The following CACNA1C variants were observed in gnomAD, a reference collection of about 807,000 sequenced individuals.
CACNA1C encodes calcium voltage-gated channel subunit alpha1 C, also known as voltage-dependent L-type calcium channel subunit alpha-1C.
Under a neutral mutation model 229.0 loss-of-function variants are expected in CACNA1C, and 30 were observed. The observed-to-expected ratio is 0.13, with a 90% CI of 0.10 to 0.18. The LOEUF is 0.18. CACNA1C is among the 10% of genes least tolerant of loss of function. The pLI, the probability that CACNA1C is intolerant of heterozygous loss-of-function variation, is 1.00. For missense variants in CACNA1C, 1,658 were observed against 2,845.0 expected (o/e 0.58, Z 9.49); for synonymous variants, 1,114 against 1,132.5 (o/e 0.98, Z 0.33).
chr12:2,484,672 C>A (rs1814457654), intron 5 of CACNA1C, among the ~76,000 whole-genome samples: 1 of 152,094 alleles, frequency 6.6e-6, no homozygotes, highest in Non-Finnish European at 1.5e-5. Flanking sequence ...GGGTTCCCAC[C>A]ACCTCGAGTA....
chr12:2,157,736 C>T (rs2095625925), intron 3 of CACNA1C, among the ~76,000 whole-genome samples: 1 of 152,088 alleles, frequency 6.6e-6, no homozygotes, highest in African/African-American at 2.4e-5. Context: ...TTAAGGATCC[C>T]TAAATGTCCC....
At chr12:2,236,312 T>C (rs2067344488) in intron 3 of CACNA1C, among the ~76,000 whole-genome samples, 1 of 152,194 alleles carries the variant, frequency 6.6e-6, no homozygotes, top group African/African-American at 2.4e-5. Flanking sequence ...TGATTGCTGG[T>C]CCACACATTG....
chr12:2,122,014 A>T (rs573626634), intron 3 of CACNA1C, among the ~76,000 whole-genome samples: 1 of 152,134 alleles, frequency 6.6e-6, no homozygotes, highest in South Asian at 2.1e-4. Context: ...GGTTTCCAGG[A>T]GGATTAAGGG....
At chr12:2,315,957 A>G (rs925005184) in intron 3 of CACNA1C, among the ~76,000 whole-genome samples, 2 of 152,228 alleles carry the variant, frequency 1.3e-5, no homozygotes, top group East Asian at 1.9e-4. Flanking sequence ...AACAACAGAA[A>G]GGAACTGCAT....
Position 2,285,208 on chromosome 12 carries a change from C to T in CACNA1C, c.478-163768C>T, listed in dbSNP as rs892312784. ...GGAATTTCCTCTTCCTTGGGTCAAG[C>T]GGGTGGGAAGGGCTCATGATTGCTG... is the stretch of plus-strand genomic sequence containing the variant. On this transcript the variant is annotated intron_variant, in intron 3 of 46. Coordinates refer to ENST00000399655, the MANE Select transcript of CACNA1C (RefSeq NM_000719.7). The surrounding 1 kb of genome is among the most constrained non-coding windows in gnomAD (Gnocchi z 4.2). Among the ~76,000 whole-genome samples, 1 of 152,170 alleles carries T rather than the reference C, an allele frequency of 6.6e-6. No homozygotes were observed. Among genetic ancestry groups the T allele is most frequent in the Non-Finnish European group, 1.5e-5 (1 of 68,016 alleles).
chr12:2,592,524 C>T (rs1214167152), intron 18 of CACNA1C, among the ~76,000 whole-genome samples: 1 of 152,134 alleles, frequency 6.6e-6, no homozygotes, highest in African/African-American at 2.4e-5. Context: ...GCAGTGCTTC[C>T]CGTCATGAGC....
At chr12:2,008,035 CA>C (rs1378778162) in intron 1 of CACNA1C, among the ~76,000 whole-genome samples, 3 of 152,070 alleles carry the variant, frequency 2.0e-5, no homozygotes, top group African/African-American at 7.2e-5. Context: ...TGCAATTGAA[CA>C]AGAAATTGGG....
At chr12:2,060,610 A>T (rs1315998352) in intron 1 of CACNA1C, among the ~76,000 whole-genome samples, 1 of 152,234 alleles carries the variant, frequency 6.6e-6, no homozygotes. Context: ...AGACGGAGGC[A>T]TGAGCCAGGC....
At chr12:2,231,665 C>T (rs976055687) in intron 3 of CACNA1C, among the ~76,000 whole-genome samples, 1 of 152,108 alleles carries the variant, frequency 6.6e-6, no homozygotes, top group African/African-American at 2.4e-5. Context: ...AAGCAGCGCC[C>T]GGTACACACC....
At chr12:2,141,214 T>A (rs2094147600) in intron 3 of CACNA1C, among the ~76,000 whole-genome samples, 1 of 150,792 alleles carries the variant, frequency 6.6e-6, no homozygotes, top group African/African-American at 2.4e-5. Flanking sequence ...CATGAGGAGT[T>A]TGTTGTGAGT....
At position 2,634,381 on chromosome 12, in the gene CACNA1C, G is replaced by GT; in HGVS notation, c.3912+2dup. The GT allele has an allele frequency of 6.5e-7, 1 of 1,546,460 alleles. No homozygotes were observed. The highest frequency in any genetic ancestry group is 8.8e-7 in the Non-Finnish European group (1 of 1,132,684). ...TGATATAGCAATCACCGAGGTAAACGTAAGTACATGGCGTCTGTCCCTAAC... is the reference window on the plus strand; with the variant it reads ...TGATATAGCAATCACCGAGGTAAACGTTAAGTACATGGCGTCTGTCCCTAAC... On this transcript the variant is annotated splice_donor_variant, in intron 30 of 46. Transcript: ENST00000399655. LOFTEE classifies it high-confidence loss of function.
intron 3 of CACNA1C, among the ~76,000 whole-genome samples, chr12:2,121,886 T>G (rs1200415768): frequency 1.3e-5 from 2 of 152,214 alleles, no homozygotes; most frequent in East Asian, 3.8e-4. Flanking sequence ...AATCCGTATC[T>G]TGTTCTTAAG....
intron 4 of CACNA1C, 103 bp from the exon 5 acceptor site, chr12:2,457,449 CCCTGGGCTGGAGACG>C: frequency 3.7e-6 from 4 of 1,075,150 alleles, no homozygotes; most frequent in Non-Finnish European, 5.3e-6. Flanking sequence ...CAACGCCCGC[CCCTGGGCTGGAGACG>C]CCTGCGCAAT....
chr12:2,601,944 A>C lies in CACNA1C; in HGVS notation c.2944A>C (p.Ile982Leu). 6.2e-7 allele frequency: 1 copy of C among 1,611,844 alleles called. No individual in the cohort carries two copies. The highest frequency in any genetic ancestry group is 8.5e-7 in the Non-Finnish European group (1 of 1,177,990). Residue 982 changes from isoleucine (I) to leucine (L), a missense_variant, in exon 22 of 47, where the codon ATC becomes CTC. Transcript: ENST00000399655. This position sits in a 1 kb window ranked among gnomAD's most constrained non-coding sequence, Gnocchi z 5.9. ...LDLLVVSVSL[I>L]SFGIQSSAIN... ...CCTGCTGGTGGTCAGCGTGTCCCTC[A>C]TCTCCTTTGGCATCCAGTGAGTGGG...
intron 1 of CACNA1C, chr12:1,997,878 C>G: frequency 7.2e-7 from 1 of 1,383,252 alleles, no homozygotes; most frequent in Admixed American, 1.9e-5. Context: ...AGTGACACAA[C>G]GGAGCTAAAA....
At chr12:2,557,017 C>G (rs1167746274) in intron 11 of CACNA1C, 40 bp downstream of exon 11, 3 of 1,586,994 alleles carry the variant, frequency 1.9e-6, no homozygotes, top group Non-Finnish European at 2.6e-6. Context: ...CTTCTGCCAC[C>G]AGCTCTGTCT....
chr12:2,222,803 G>A (rs978122981), intron 3 of CACNA1C, among the ~76,000 whole-genome samples: 3 of 152,192 alleles, frequency 2.0e-5, no homozygotes, highest in Non-Finnish European at 2.9e-5. Flanking sequence ...CTGGAAAACT[G>A]TAAGTGAAAT....
chr12:2,588,440 C>T (rs2063548319), intron 18 of CACNA1C, among the ~76,000 whole-genome samples: 1 of 152,218 alleles, frequency 6.6e-6, no homozygotes, highest in African/African-American at 2.4e-5. Flanking sequence ...GCCCTGTCTC[C>T]TAGGCTTGCC....
chr12:2,555,897 G>A (rs995682770), intron 10 of CACNA1C, among the ~76,000 whole-genome samples: 4 of 151,822 alleles, frequency 2.6e-5, no homozygotes, highest in African/African-American at 4.9e-5. Flanking sequence ...GCAGGCCTGC[G>A]GCGGTTGCCT....
Sources: allele counts gnomAD v4.1 joint callset (sites outside exome capture counted in the v4.1 genomes callset), GRCh38; gene constraint gnomAD v4.1.1; non-coding constraint Gnocchi (gnomAD v3.1); transcripts MANE v1.5; gene names NCBI Gene and HGNC (gene_info 2026-07-23, HGNC 2026-07-21).